Variants in CSMD3 observed in about 807,000 individuals in gnomAD.
CSMD3 encodes the protein CUB and Sushi multiple domains 3, also known as CUB and sushi domain-containing protein 3.
CSMD3 carries 177 observed loss-of-function variants against 435.2 expected under a neutral mutation model. That is an observed-to-expected ratio of 0.41 (90% CI 0.36 to 0.46). The LOEUF (loss-of-function observed/expected upper bound fraction) is 0.46. CSMD3 is among the 20% of genes least tolerant of loss of function. The pLI, the probability that CSMD3 is intolerant of heterozygous loss-of-function variation, is 0.34. For missense variants in CSMD3, 4,265 were observed against 4,504.6 expected, an observed-to-expected ratio of 0.95 and a Z score of 1.52; for synonymous variants, 1,656 against 1,520.5, an observed-to-expected ratio of 1.09 and a Z score of -2.07.
At chr8:112,609,655 A>G (rs1833100038) in intron 22 of CSMD3, among the ~76,000 whole-genome samples, 1 of 152,148 alleles carries the variant, frequency 6.6e-6, no homozygotes. Flanking sequence ...CAGCAATATC[A>G]CTTCAGGGTA....
intron 13 of CSMD3, among the ~76,000 whole-genome samples, chr8:112,762,275 T>A (rs1462928317): frequency 6.6e-6 from 1 of 151,984 alleles, no homozygotes; most frequent in Non-Finnish European, 1.5e-5. Context: ...TTTACCCATA[T>A]TGGGAAAATT....
intron 4 of CSMD3, among the ~76,000 whole-genome samples, chr8:113,161,853 C>A (rs1381880802): frequency 1.3e-5 from 2 of 152,072 alleles, no homozygotes; most frequent in Non-Finnish European, 2.9e-5. Context: ...CTTTATCAGC[C>A]AAAGTCAACT....
chr8:112,631,622 G>T, intron 22 of CSMD3, among the ~76,000 whole-genome samples: 1 of 151,976 alleles, frequency 6.6e-6, no homozygotes, highest in East Asian at 1.9e-4. Flanking sequence ...TACTTCATAA[G>T]GTTGTGAGCA....
chr8:112,691,848 T>G lies in CSMD3; in HGVS notation c.1973-1798A>C, dbSNP rs893418700. Among the ~76,000 whole-genome samples, 23 of 152,266 alleles carry G rather than the reference T, an allele frequency of 1.5e-4. No homozygotes were observed. In the East Asian group the frequency reaches 4.4e-3, roughly 29 times the overall value. ...GAGTCTCTTACTCTGTCACCCAGGC[T>G]GAAGTGCAGTGGCGTGATCTCGGCT... On this transcript the variant is annotated intron_variant, in intron 13 of 70. Transcript: ENST00000297405.
At chr8:112,781,361 G>A (rs1246041740) in intron 13 of CSMD3, among the ~76,000 whole-genome samples, 1 of 151,982 alleles carries the variant, frequency 6.6e-6, no homozygotes, top group East Asian at 2.0e-4. Context: ...AGAGGAAAAA[G>A]TAAAAAGAAC....
intron 4 of CSMD3, among the ~76,000 whole-genome samples, chr8:113,120,937 G>A (rs2090967784): frequency 6.6e-6 from 1 of 152,154 alleles, no homozygotes; most frequent in African/African-American, 2.4e-5. Context: ...TTTACACGCA[G>A]GGCCTCAGAA....
At chr8:112,454,064 G>T (rs1047748550) in intron 32 of CSMD3, among the ~76,000 whole-genome samples, 19 of 152,136 alleles carry the variant, frequency 1.2e-4, no homozygotes, top group South Asian at 8.3e-4. Flanking sequence ...GAATAAAATT[G>T]GTCTCCTGCC....
chr8:113,035,223 T>A (rs768969816), intron 5 of CSMD3, among the ~76,000 whole-genome samples: 1 of 151,790 alleles, frequency 6.6e-6, no homozygotes, highest in Non-Finnish European at 1.5e-5. Flanking sequence ...CCTAGACTGA[T>A]CAAATAAAGA....
intron 34 of CSMD3, among the ~76,000 whole-genome samples, chr8:112,407,337 C>CT (rs1831947412): frequency 6.6e-6 from 1 of 151,832 alleles, no homozygotes; most frequent in African/African-American, 2.4e-5. Context: ...TTTGAAATTG[C>CT]TTTTAGATTT....
rs1012101367 is a variant in CSMD3 at position 112,223,959 on chromosome 8, T to C, written c.*812A>G. On this transcript the variant is annotated 3_prime_UTR_variant, in exon 71 of 71. Transcript: ENST00000297405. Reference sequence around the variant, plus strand: ...ATGGTTTTTGGGTGAGGAAACATACTGAAGCTACTATCACATTTGGGATTA... The same window carrying C: ...ATGGTTTTTGGGTGAGGAAACATACCGAAGCTACTATCACATTTGGGATTA... The C allele has an allele frequency of 1.3e-5, 2 of 152,134 alleles. No homozygotes were observed. Among genetic ancestry groups the C allele is most frequent in the Non-Finnish European group, 2.9e-5 (2 of 68,016 alleles). 9.4% of individuals were successfully genotyped at this position (152,134 alleles called of 1,614,324 possible).
At chr8:113,154,198 A>G (rs990954969) in intron 4 of CSMD3, among the ~76,000 whole-genome samples, 2 of 152,078 alleles carry the variant, frequency 1.3e-5, no homozygotes, top group African/African-American at 4.8e-5. Context: ...CTACAAAACC[A>G]AATACTTACA....
At chr8:112,474,556 G>A (rs1818853473) in intron 31 of CSMD3, among the ~76,000 whole-genome samples, 1 of 152,072 alleles carries the variant, frequency 6.6e-6, no homozygotes, top group African/African-American at 2.4e-5. Context: ...TATCAGTAGT[G>A]GCTTACCTCT....
chr8:113,249,168 CT>C (rs1358623673), intron 3 of CSMD3, among the ~76,000 whole-genome samples: 4 of 152,050 alleles, frequency 2.6e-5, no homozygotes, highest in African/African-American at 9.7e-5. Context: ...CATGACTTTA[CT>C]CCTCATTCAC....
intron 59 of CSMD3, among the ~76,000 whole-genome samples, chr8:112,275,169 TA>T (rs113765413): frequency 1.0e-4 from 15 of 147,888 alleles, no homozygotes; most frequent in South Asian, 2.1e-4. Context: ...CTAACCACAA[TA>T]AAAAAAAAAG....
chr8:113,405,937 G>A lies in CSMD3; in HGVS notation c.178+30740C>T, dbSNP rs187473132. 5.5e-4 allele frequency among the ~76,000 whole-genome samples: 83 copies of A among 151,838 alleles called. No homozygotes were observed. The Middle Eastern group carries it at 0.01, about 19-fold the overall frequency. ...GAGAGGATTATTTAGAGGATATCAA[G>A]CTGTTTTACGAGTTGCATTGAACTA... On this transcript the variant is annotated intron_variant, in intron 1 of 70. Transcript: ENST00000297405.
chr8:113,325,700 A>C (rs1167288682), intron 1 of CSMD3, among the ~76,000 whole-genome samples: 6 of 152,200 alleles, frequency 3.9e-5, no homozygotes, highest in Admixed American at 2.6e-4. Flanking sequence ...TCATTGTAGA[A>C]AAAGTATTGG....
At chr8:112,389,405 C>T (rs1358197576) in intron 36 of CSMD3, among the ~76,000 whole-genome samples, 1 of 152,090 alleles carries the variant, frequency 6.6e-6, no homozygotes, top group African/African-American at 2.4e-5. Context: ...TATTATTCTA[C>T]TATAATAAGA....
chr8:113,211,248 T>C (rs1396922941), intron 3 of CSMD3, among the ~76,000 whole-genome samples: 1 of 152,178 alleles, frequency 6.6e-6, no homozygotes, highest in Non-Finnish European at 1.5e-5. Flanking sequence ...TTTTAGTGTG[T>C]GTAGTAGAGG....
intron 12 of CSMD3, among the ~76,000 whole-genome samples, chr8:112,813,688 A>C (rs1258500567): frequency 1.3e-5 from 2 of 152,226 alleles, no homozygotes; most frequent in African/African-American, 4.8e-5. Flanking sequence ...AATAGTGTTC[A>C]TTCAGGACCA....
Sources: allele counts gnomAD v4.1 joint callset (sites outside exome capture counted in the v4.1 genomes callset), GRCh38; gene constraint gnomAD v4.1.1; transcripts MANE v1.5; gene names NCBI Gene and HGNC (gene_info 2026-07-23, HGNC 2026-07-21).